PFKL: variants seen among roughly 807,000 people sequenced by gnomAD.
The protein encoded by PFKL is ATP-dependent 6-phosphofructokinase, liver type.
Under a neutral mutation model 92.1 loss-of-function variants are expected in PFKL, and 74 were observed. The observed-to-expected ratio is 0.80, with a 90% CI of 0.67 to 0.97. The LOEUF (loss-of-function observed/expected upper bound fraction) is 0.97, where lower values mean the gene tolerates loss of function less well. PFKL is among the 50% of genes least tolerant of loss of function. The pLI is 0.00. For synonymous variants in PFKL, 494 were observed against 456.4 expected (o/e 1.08, Z -1.05); for missense variants, 1,028 against 1,116.6 (o/e 0.92, Z 1.13).
In PFKL at chr21:44,313,634, A is replaced by G. The variant is rs571440498; in HGVS notation, c.594-4A>G. ...TGATGCATCCTCCTGTTCCATCTCC[A>G]CAGCCACCAGAGGACCTTCGTGCTG... On this transcript the variant is annotated splice_region_variant and splice_polypyrimidine_tract_variant and intron_variant, in intron 5 of 21. Transcript: ENST00000349048. The G allele has an allele frequency of 1.2e-6, 2 of 1,611,384 alleles. No homozygotes were observed. Among genetic ancestry groups the G allele is most frequent in the African/African-American group, 1.3e-5 (1 of 74,896 alleles).
rs753142139 is a variant in PFKL at position 44,324,500 on chromosome 21, C to G, written c.1660C>G (p.Arg554Gly). 1 of 1,613,212 alleles carries G rather than the reference C, an allele frequency of 6.2e-7. No homozygotes were observed. The highest frequency in any genetic ancestry group is 8.5e-7 in the Non-Finnish European group (1 of 1,179,850). The change falls in exon 17 of 22, where the codon CGC becomes GGC. Residue 554 changes from arginine to glycine, a missense_variant. Coordinates refer to ENST00000349048, the MANE Select transcript of PFKL (RefSeq NM_002626.6). ...AVNAAMESCD[R>G]IKQSASGTKR... ...CCCCCTTGTCCCCCAGAGCTGTGACCGCATCAAACAGTCTGCCTCGGGGAC... is the reference window on the plus strand; with the variant it reads ...CCCCCTTGTCCCCCAGAGCTGTGACGGCATCAAACAGTCTGCCTCGGGGAC...
intron 15 of PFKL, 143 bp from the exon 16 acceptor site, chr21:44,323,623 T>C (rs1349669798): frequency 3.8e-6 from 3 of 792,912 alleles, no homozygotes; most frequent in African/African-American, 3.5e-5. Flanking sequence ...CCCCAGGGGA[T>C]TGAGCAGGTG....
At chr21:44,300,752 C>T (rs1262330287) in intron 1 of PFKL, among the ~76,000 whole-genome samples, 1 of 152,146 alleles carries the variant, frequency 6.6e-6, no homozygotes, top group Non-Finnish European at 1.5e-5. Flanking sequence ...GAGCAAAGCC[C>T]AGTTGTCACC....
chr21:44,324,644 C>T lies in PFKL; in HGVS notation c.1804C>T (p.His602Tyr), dbSNP rs2146025364. ...CGTCTTCGAGGACCCTTTCAACATC[C>T]ACGACTTAAAGGTGAGCCCAGCCCA... ...AYVFEDPFNIHDLKVNVEHMT... is the reference protein window; with the variant it reads ...AYVFEDPFNIYDLKVNVEHMT... The change falls in exon 17 of 22, where the codon CAC (histidine) becomes TAC (tyrosine). Residue 602 changes from histidine to tyrosine, a missense_variant. Physicochemically the swap from His to Tyr is moderately conservative, Grantham distance 83 (BLOSUM62 2). Coordinates refer to ENST00000349048, the MANE Select transcript of PFKL (RefSeq NM_002626.6). The T allele has an allele frequency of 6.3e-7, 1 of 1,595,032 alleles. No individual in the cohort carries two copies. The highest frequency in any genetic ancestry group is 2.2e-5 in the East Asian group (1 of 44,708).
chr21:44,326,360 C>G, intron 21 of PFKL, 96 bp downstream of exon 21: 1 of 934,970 alleles, frequency 1.1e-6, no homozygotes, highest in Non-Finnish European at 1.6e-6. Flanking sequence ...CCACTGGCAC[C>G]CTGACCCCGC....
intron 1 of PFKL, chr21:44,306,072 GC>G: frequency 1.4e-6 from 1 of 709,794 alleles, no homozygotes; most frequent in Non-Finnish European, 2.0e-6. Context: ...TTTCCTCAGT[GC>G]CCAGAGGTGC....
rs1002672189 is a variant in PFKL, at chr21:44,319,788, C to T, written c.1128-296C>T. On this transcript the variant is annotated intron_variant, in intron 11 of 21. Coordinates refer to ENST00000349048, the MANE Select transcript of PFKL (RefSeq NM_002626.6). ...GGCGGCCGGGTCAGGCTGGATTGGA[C>T]GTCTGGGTTCCCATGCGTGCCTCCA... 7 of 513,842 alleles carry T rather than the reference C, an allele frequency of 1.4e-5. No homozygotes were observed. In the Admixed American group the frequency reaches 1.7e-4, roughly 13 times the overall value. 31.8% of individuals were successfully genotyped at this position (513,842 alleles called of 1,614,324 possible).
rs893867600 is a variant in PFKL, at chr21:44,304,408, G to A, written c.86-2273G>A. 2.0e-4 allele frequency: 249 copies of A among 1,254,654 alleles called. 3 individuals are homozygous for A. The South Asian group carries it at 2.6e-3, about 13-fold the overall frequency. 77.7% of individuals were successfully genotyped at this position (1,254,654 alleles called of 1,614,324 possible). A position where few individuals can be genotyped will look rare whatever the true frequency, so the allele number is the denominator to read the frequency against. ...TGTGGTTGGACGGTGGCCTGGGTGC[G>A]CTGCTCCTGCCCTCTCCTTGCCCTG... On this transcript the variant is annotated intron_variant, in intron 1 of 21. Transcript: ENST00000349048.
chr21:44,304,814 G>C (rs1281736517), intron 1 of PFKL, among the ~76,000 whole-genome samples: 1 of 151,924 alleles, frequency 6.6e-6, no homozygotes, highest in South Asian at 2.1e-4. Flanking sequence ...CTTTCTGGGT[G>C]TGTGTGGGAT....
chr21:44,319,913 C>T (rs909301951), intron 11 of PFKL, 171 bp from the exon 12 acceptor site: 35 of 625,728 alleles, frequency 5.6e-5, no homozygotes, highest in Non-Finnish European at 1.0e-4. Context: ...GGGTCTCGCA[C>T]CTTCTGTGGA....
At chr21:44,306,222 G>A (rs1212332374) in intron 1 of PFKL, among the ~76,000 whole-genome samples, 1 of 147,110 alleles carries the variant, frequency 6.8e-6, no homozygotes, top group Non-Finnish European at 1.5e-5. Context: ...CTGTGAGTGT[G>A]GGGGCTCCGT....
intron 1 of PFKL, chr21:44,305,679 T>C: frequency 1.9e-6 from 2 of 1,050,210 alleles, no homozygotes; most frequent in South Asian, 3.0e-5. Flanking sequence ...TGGTCTTGGC[T>C]GCCCCTTTTG....
At chr21:44,306,120 G>A (rs898528873) in intron 1 of PFKL, among the ~76,000 whole-genome samples, 7 of 65,736 alleles carry the variant, frequency 1.1e-4, no homozygotes, top group Admixed American at 8.2e-4. Flanking sequence ...CAGCCTGAAT[G>A]TCTGGGGTGG....
intron 4 of PFKL, 55 bp downstream of exon 4, chr21:44,312,349 C>T (rs1449910720): frequency 1.3e-5 from 19 of 1,453,766 alleles, no homozygotes; most frequent in Middle Eastern, 2.3e-4. Flanking sequence ...GCCGCTGCTG[C>T]CAGGCGTGGG....
intron 1 of PFKL, among the ~76,000 whole-genome samples, chr21:44,306,173 T>C (rs1355048585): frequency 1.3e-5 from 2 of 152,236 alleles, no homozygotes; most frequent in Non-Finnish European, 2.9e-5. Context: ...CCTGCCCCAC[T>C]TTTTATCCTG....
At chr21:44,304,868 T>G (rs1029782747) in intron 1 of PFKL, among the ~76,000 whole-genome samples, 5 of 152,058 alleles carry the variant, frequency 3.3e-5, no homozygotes, top group Non-Finnish European at 2.9e-5. Flanking sequence ...GCAGCCGTGC[T>G]CCCATCTATG....
rs1249373618 is a variant in PFKL at position 44,325,300 on chromosome 21, CCT to C, written c.1989+39_1989+40del. On this transcript the variant is annotated intron_variant, in intron 19 of 21. Coordinates refer to ENST00000349048, the MANE Select transcript of PFKL (RefSeq NM_002626.6). ...GGGGTGAGGCTCTGAGAGGCCTGCC[CCT>C]CTTTCCTGCCACCATCTGTCCCCGG... 4 of 1,362,432 alleles carry C rather than the reference CCT, an allele frequency of 2.9e-6. No individual in the cohort carries two copies. In the East Asian group the frequency reaches 6.9e-5, roughly 23 times the overall value. The allele number at this position is 1,362,432 out of a possible 1,614,324, so 84.4% of individuals were successfully genotyped here.
chr21:44,324,518 T>A lies in PFKL; in HGVS notation c.1678T>A (p.Ser560Thr). 6.2e-7 allele frequency: 1 copy of A among 1,613,304 alleles called. No individual in the cohort carries two copies. The highest frequency in any genetic ancestry group is 8.5e-7 in the Non-Finnish European group (1 of 1,179,872). ...ESCDRIKQSA[S>T]GTKRRVFIVE... ...CTGTGACCGCATCAAACAGTCTGCC[T>A]CGGGGACCAAGCGCCGTGTGTTCAT... The change falls in exon 17 of 22, where the codon TCG becomes ACG. Residue 560 changes from serine (S) to threonine (T), a missense_variant. Coordinates refer to ENST00000349048, the MANE Select transcript of PFKL (RefSeq NM_002626.6).
At chr21:44,313,177 G>A (rs551536529) in intron 5 of PFKL, 34 bp downstream of exon 5, 4 of 1,608,986 alleles carry the variant, frequency 2.5e-6, no homozygotes, top group African/African-American at 2.7e-5. Context: ...CCAGCCCAGG[G>A]CCCCTCCTCC....
Sources: gnomAD v4.1 joint callset for allele counts (sites outside exome capture counted in the v4.1 genomes callset) on GRCh38, gnomAD v4.1.1 for gene constraint, MANE v1.5 for transcripts, NCBI Gene and HGNC (gene_info 2026-07-23, HGNC 2026-07-21) for gene names.